Variants in NTM observed in about 807,000 individuals in gnomAD.
NTM encodes IgLON family member 2.
NTM carries 13 observed loss-of-function variants against 42.1 expected under a neutral mutation model. That is an observed-to-expected ratio of 0.31 (90% CI 0.20 to 0.49). The LOEUF is 0.49. Among genes scored for constraint, NTM ranks in the 20% least tolerant of loss-of-function variants. NTM has a pLI of 0.99. For synonymous variants in NTM, 187 were observed against 179.2 expected (o/e 1.04, Z -0.35); for missense variants, 373 against 452.8 (o/e 0.82, Z 1.60).
intron 1 of NTM, among the ~76,000 whole-genome samples, chr11:131,600,334 G>T (rs1429767970): frequency 1.3e-5 from 2 of 152,224 alleles, no homozygotes; most frequent in African/African-American, 4.8e-5. Context: ...CCAAGTGCCA[G>T]TGAAGGGCAG....
intron 4 of NTM, among the ~76,000 whole-genome samples, chr11:132,286,412 G>A (rs1039640710): frequency 1.3e-5 from 2 of 152,162 alleles, no homozygotes; most frequent in African/African-American, 4.8e-5. Context: ...GGACCTGAAT[G>A]AAGGATTGAA....
At chr11:131,735,092 T>A in intron 1 of NTM, among the ~76,000 whole-genome samples, 1 of 152,216 alleles carries the variant, frequency 6.6e-6, no homozygotes, top group Non-Finnish European at 1.5e-5. Flanking sequence ...CTAGATTGTA[T>A]AACAACTTAT....
intron 1 of NTM, among the ~76,000 whole-genome samples, chr11:131,531,306 T>A (rs1290164893): frequency 1.3e-5 from 2 of 151,948 alleles, no homozygotes; most frequent in Non-Finnish European, 2.9e-5. Flanking sequence ...GCTCTGCTAA[T>A]TTTTTTTGGG....
intron 2 of NTM, among the ~76,000 whole-genome samples, chr11:131,997,997 C>A (rs1037660128): frequency 6.6e-6 from 1 of 152,086 alleles, no homozygotes; most frequent in African/African-American, 2.4e-5. Flanking sequence ...TTCTTCCACC[C>A]CAGGACCCAC....
intron 1 of NTM, among the ~76,000 whole-genome samples, chr11:131,691,223 C>A (rs1000558763): frequency 6.6e-6 from 1 of 152,192 alleles, no homozygotes; most frequent in African/African-American, 2.4e-5. Context: ...AGTGCCAGGG[C>A]GGTTCCTTCA....
chr11:131,935,029 G>A (rs532579599), intron 2 of NTM, among the ~76,000 whole-genome samples: 1 of 152,290 alleles, frequency 6.6e-6, no homozygotes, highest in South Asian at 2.1e-4. Context: ...GCAGTATTCA[G>A]GTGAGGGATA....
intron 2 of NTM, among the ~76,000 whole-genome samples, chr11:131,950,403 C>T (rs1244135126): frequency 6.6e-6 from 1 of 152,206 alleles, no homozygotes; most frequent in Admixed American, 6.5e-5. Context: ...CTATCTCTGT[C>T]CTCTTGCTTC....
intron 3 of NTM, among the ~76,000 whole-genome samples, chr11:132,189,560 TGAC>T (rs1341196755): frequency 6.6e-6 from 1 of 152,136 alleles, no homozygotes; most frequent in Non-Finnish European, 1.5e-5. Flanking sequence ...CAAAGCATGT[TGAC>T]ACTCTCTCTA....
chr11:131,863,104 C>T (rs2046814211), intron 1 of NTM, among the ~76,000 whole-genome samples: 1 of 152,198 alleles, frequency 6.6e-6, no homozygotes, highest in Non-Finnish European at 1.5e-5. Flanking sequence ...AATTGTGCTA[C>T]TCACATGTAT....
At chr11:131,828,424 C>T (rs1592135406) in intron 1 of NTM, among the ~76,000 whole-genome samples, 1 of 152,030 alleles carries the variant, frequency 6.6e-6, no homozygotes, top group Admixed American at 6.6e-5. Context: ...CCTTCACCAT[C>T]ATCACCACCA....
At chr11:131,421,693 C>T (rs925010052) in intron 1 of NTM, among the ~76,000 whole-genome samples, 1 of 152,212 alleles carries the variant, frequency 6.6e-6, no homozygotes, top group Non-Finnish European at 1.5e-5. Flanking sequence ...GCTTCCCATG[C>T]TCCACCTCAA....
At chr11:132,314,754 G>GGAGAGCTGGGT (rs1289249182) in intron 7 of NTM, 51 bp downstream of exon 7, 1 of 1,549,714 alleles carries the variant, frequency 6.5e-7, no homozygotes, top group African/African-American at 1.4e-5. Flanking sequence ...GTGCAGAACG[G>GGAGAGCTGGGT]GAGAGCTGGG....
At chr11:131,426,949 C>A (rs911496771) in intron 1 of NTM, among the ~76,000 whole-genome samples, 7 of 152,046 alleles carry the variant, frequency 4.6e-5, no homozygotes, top group Non-Finnish European at 8.8e-5. Flanking sequence ...ATTCTATTAT[C>A]CTCCCCCAAG....
At chr11:131,800,629 T>C (rs1307173083) in intron 1 of NTM, among the ~76,000 whole-genome samples, 1 of 152,220 alleles carries the variant, frequency 6.6e-6, no homozygotes, top group Non-Finnish European at 1.5e-5. Context: ...AACAGATATT[T>C]TGAATACAAC....
chr11:131,581,190 G>A (rs1215462760), intron 1 of NTM, among the ~76,000 whole-genome samples: 18 of 152,326 alleles, frequency 1.2e-4, no homozygotes, highest in Admixed American at 1.0e-3. Flanking sequence ...CTTGGTGGGC[G>A]GAGCCCACTG....
intron 1 of NTM, chr11:131,660,581 G>A (rs1040069924): frequency 3.7e-5 from 17 of 457,652 alleles, no homozygotes; most frequent in Non-Finnish European, 7.1e-5. Context: ...CTCATGCCTC[G>A]AAACCTTGCT....
At chr11:131,562,195 T>C (rs1465660471) in intron 1 of NTM, among the ~76,000 whole-genome samples, 5 of 152,110 alleles carry the variant, frequency 3.3e-5, no homozygotes, top group Non-Finnish European at 7.3e-5. Context: ...CGCTGACTTA[T>C]GATGGATGAG....
At chr11:131,549,426 A>AT (rs2054356077) in intron 1 of NTM, among the ~76,000 whole-genome samples, 1 of 152,162 alleles carries the variant, frequency 6.6e-6, no homozygotes, top group Non-Finnish European at 1.5e-5. Context: ...AAAATTAAAA[A>AT]TTTTTTAGAC....
At chr11:131,810,348 A>C (rs960219618) in intron 1 of NTM, among the ~76,000 whole-genome samples, 1 of 152,154 alleles carries the variant, frequency 6.6e-6, no homozygotes, top group African/African-American at 2.4e-5. Context: ...TTTTGTGGGC[A>C]CCCAGAGAGT....
Sources: allele counts gnomAD v4.1 joint callset (sites outside exome capture counted in the v4.1 genomes callset), GRCh38; gene constraint gnomAD v4.1.1; transcripts MANE v1.5; gene names NCBI Gene and HGNC (gene_info 2026-07-23, HGNC 2026-07-21).